The following KCNQ1 variants were observed in gnomAD, a reference collection of about 807,000 sequenced individuals.
KCNQ1 encodes potassium voltage-gated channel subfamily KQT member 1.
KCNQ1 carries 49 observed loss-of-function variants against 72.4 expected under a neutral mutation model. The observed-to-expected ratio is 0.68, with a 90% CI of 0.54 to 0.86. The LOEUF is 0.86. Ranked by LOEUF, KCNQ1 falls within the 40% of genes least tolerant of loss-of-function variation. The pLI, the probability that KCNQ1 is intolerant of heterozygous loss-of-function variation, is 0.00. For missense variants in KCNQ1, 790 were observed against 945.1 expected (o/e 0.84, Z 2.15); for synonymous variants, 450 against 412.6 (o/e 1.09, Z -1.10).
rs191547256 is a variant in KCNQ1 at position 2,536,630 on chromosome 11, C to A, written c.477+8612C>A. Among the ~76,000 whole-genome samples, 20 of 152,330 alleles carry A rather than the reference C, an allele frequency of 1.3e-4. No individual in the cohort carries two copies. Among genetic ancestry groups the A allele is most frequent in the Non-Finnish European group, 2.9e-4 (20 of 68,022 alleles). On this transcript the variant is annotated intron_variant, in intron 2 of 15. Transcript: ENST00000155840. The surrounding 1 kb of genome is among the most constrained non-coding windows in gnomAD (Gnocchi z 7.4). ...GGAACCCAACAGAGCTGGTTTGGGC[C>A]ACAGCAGTGGCTTCCCAGGCTGGGC... is the stretch of plus-strand genomic sequence containing the variant.
At chr11:2,736,480 C>A (rs560941341) in intron 11 of KCNQ1, among the ~76,000 whole-genome samples, 1 of 152,106 alleles carries the variant, frequency 6.6e-6, no homozygotes, top group African/African-American at 2.4e-5. Flanking sequence ...CGGTGGCCCC[C>A]GTGCCTGGAG....
intron 10 of KCNQ1, among the ~76,000 whole-genome samples, chr11:2,590,280 G>A (rs1043777842): frequency 3.9e-5 from 6 of 152,212 alleles, no homozygotes; most frequent in Non-Finnish European, 7.3e-5. Context: ...GGCCCTGCTC[G>A]CTGCTTCCTC....
chr11:2,737,988 G>T (rs1845987440), intron 11 of KCNQ1, among the ~76,000 whole-genome samples: 1 of 152,168 alleles, frequency 6.6e-6, no homozygotes, highest in South Asian at 2.1e-4. Context: ...CTCCAGGCAG[G>T]GCCCTGGGCC....
At chr11:2,530,839 C>T (rs1847610289) in intron 2 of KCNQ1, among the ~76,000 whole-genome samples, 1 of 152,084 alleles carries the variant, frequency 6.6e-6, no homozygotes, top group African/African-American at 2.4e-5. Flanking sequence ...AGCTATGTGT[C>T]GCTGCGTGTG....
At chr11:2,615,556 A>G (rs549080450) in intron 10 of KCNQ1, 1 of 398,008 alleles carries the variant, frequency 2.5e-6, no homozygotes, top group East Asian at 3.6e-5. Flanking sequence ...ATCCTCTTTA[A>G]CACATTTTGA....
At position 2,559,933 on chromosome 11, in the gene KCNQ1, C is replaced by A. The variant is rs1306271673; in HGVS notation, c.478-10695C>A. Among the ~76,000 whole-genome samples the A allele has an allele frequency of 6.6e-6, 1 of 151,658 alleles. No homozygotes were observed. The highest frequency in any genetic ancestry group is 1.5e-5 in the Non-Finnish European group (1 of 67,936). On this transcript the variant is annotated intron_variant, in intron 2 of 15. Transcript: ENST00000155840. The surrounding 1 kb of genome is among the most constrained non-coding windows in gnomAD (Gnocchi z 4.9). ...CTGGTTTCCTGGGTGTGTCTTCCTG[C>A]AGGGCCAGGACCCCCAGAGTGTTCC...
intron 2 of KCNQ1, among the ~76,000 whole-genome samples, chr11:2,569,438 G>A (rs1487356626): frequency 6.6e-6 from 1 of 152,220 alleles, no homozygotes; most frequent in African/African-American, 2.4e-5. Flanking sequence ...TGCTCATAGT[G>A]GACTCCCTGG....
At chr11:2,618,143 G>A in intron 10 of KCNQ1, 1 of 398,412 alleles carries the variant, frequency 2.5e-6, no homozygotes, top group East Asian at 3.6e-5. Context: ...TCTTCTGGTT[G>A]TGGGTTTTGG....
rs912601213 is a variant in KCNQ1, at chr11:2,735,173, G to C, written c.1515-33671G>C. Reference sequence around the variant, plus strand: ...CGCCGCAGCAGGACAGGGAGGGACTGTGTGTGAGAGCCAGGGAAGGGCTGC... The same window carrying C: ...CGCCGCAGCAGGACAGGGAGGGACTCTGTGTGAGAGCCAGGGAAGGGCTGC... On this transcript the variant is annotated intron_variant, in intron 11 of 15. Transcript: ENST00000155840. This position sits in a 1 kb window ranked among gnomAD's most constrained non-coding sequence, Gnocchi z 7.7. Among the ~76,000 whole-genome samples the C allele has an allele frequency of 6.6e-6, 1 of 152,170 alleles. No homozygotes were observed. Among genetic ancestry groups the C allele is most frequent in the African/African-American group, 2.4e-5 (1 of 41,442 alleles).
chr11:2,448,302 C>T (rs548114542), intron 1 of KCNQ1, among the ~76,000 whole-genome samples: 2 of 152,368 alleles, frequency 1.3e-5, no homozygotes, highest in East Asian at 1.9e-4. Flanking sequence ...TCTGGCTCAG[C>T]AGCCCCTGTT....
chr11:2,573,008 A>G (rs1848365507), intron 6 of KCNQ1, 22 bp downstream of exon 6: 2 of 1,611,020 alleles, frequency 1.2e-6, no homozygotes, highest in East Asian at 2.2e-5. Context: ...ACTTCCAGGC[A>G]TGGGGACAGG....
At chr11:2,551,897 T>G (rs921829784) in intron 2 of KCNQ1, among the ~76,000 whole-genome samples, 1 of 152,278 alleles carries the variant, frequency 6.6e-6, no homozygotes. Context: ...TGATGGAGGA[T>G]CTGTCCAGTT....
intron 15 of KCNQ1, among the ~76,000 whole-genome samples, chr11:2,832,122 A>G (rs1346161657): frequency 6.6e-6 from 1 of 151,988 alleles, no homozygotes; most frequent in African/African-American, 2.4e-5. Flanking sequence ...TGATAGCTTC[A>G]TTGTCCCCAG....
rs929874254 is a variant in KCNQ1 at position 2,828,430 on chromosome 11, A to G, written c.1795-19337A>G. On this transcript the variant is annotated intron_variant, in intron 15 of 15. Coordinates refer to ENST00000155840, the MANE Select transcript of KCNQ1 (RefSeq NM_000218.3). The surrounding 1 kb of genome is among the most constrained non-coding windows in gnomAD (Gnocchi z 5.3). ...GGTAAAGTGGTCAGGAGAAAAGAGGAGACCAAAAATATGTTGACAAAGGTT... is the reference window on the plus strand; with the variant it reads ...GGTAAAGTGGTCAGGAGAAAAGAGGGGACCAAAAATATGTTGACAAAGGTT... Among the ~76,000 whole-genome samples, 2 of 152,236 alleles carry G rather than the reference A, an allele frequency of 1.3e-5. No individual in the cohort carries two copies. Among genetic ancestry groups the G allele is most frequent in the African/African-American group, 4.8e-5 (2 of 41,458 alleles).
intron 11 of KCNQ1, chr11:2,672,337 G>A (rs539017242): frequency 7.0e-4 from 279 of 398,738 alleles, no homozygotes; most frequent in African/African-American, 5.1e-3. Flanking sequence ...TGTGGTGGGT[G>A]CAGAAGCAGT....
chr11:2,672,905 G>A (rs947479601), intron 11 of KCNQ1: 19 of 398,638 alleles, frequency 4.8e-5, no homozygotes, highest in Non-Finnish European at 7.5e-5. Flanking sequence ...TGTGGCACTT[G>A]AGGCCTTGGG....
rs79727275 is a variant in KCNQ1 at position 2,550,566 on chromosome 11, G to C, written c.478-20062G>C. Among the ~76,000 whole-genome samples the C allele has an allele frequency of 6.6e-3, 998 of 152,310 alleles. 6 individuals are homozygous for C. The highest frequency in any genetic ancestry group is 0.023 in the African/African-American group (958 of 41,558). On this transcript the variant is annotated intron_variant, in intron 2 of 15. Coordinates refer to ENST00000155840, the MANE Select transcript of KCNQ1 (RefSeq NM_000218.3). The surrounding 1 kb of genome is among the most constrained non-coding windows in gnomAD (Gnocchi z 6.0). Reference sequence around the variant, plus strand: ...TCGCCTAGGCCAGAGTGCCAGGCAGGGTAGGGGAACAAATGCCAACACGTG... The same window carrying C: ...TCGCCTAGGCCAGAGTGCCAGGCAGCGTAGGGGAACAAATGCCAACACGTG...
At chr11:2,709,555 C>T (rs994675932) in intron 11 of KCNQ1, among the ~76,000 whole-genome samples, 4 of 152,156 alleles carry the variant, frequency 2.6e-5, no homozygotes, top group East Asian at 1.9e-4. Flanking sequence ...TTCAGAGTTG[C>T]GCAACCATCA....
At chr11:2,633,092 T>C (rs1416360791) in intron 10 of KCNQ1, 1 of 398,410 alleles carries the variant, frequency 2.5e-6, no homozygotes, top group African/African-American at 2.1e-5. Context: ...GTTTTGTCTT[T>C]TTGAAAACAG....
Sources: allele counts gnomAD v4.1 joint callset (sites outside exome capture counted in the v4.1 genomes callset), GRCh38; gene constraint gnomAD v4.1.1; non-coding constraint Gnocchi (gnomAD v3.1); transcripts MANE v1.5; gene names NCBI Gene and HGNC (gene_info 2026-07-23, HGNC 2026-07-21).